Variants in TRAK1 observed in about 807,000 individuals in gnomAD.
TRAK1 encodes trafficking kinesin-binding protein 1.
A neutral mutation model predicts 92.1 loss-of-function variants in TRAK1; 33 were observed. The observed-to-expected ratio is 0.36, with a 90% CI of 0.27 to 0.48. The LOEUF is 0.48. TRAK1 is among the 20% of genes least tolerant of loss of function. The pLI, the probability that TRAK1 is intolerant of heterozygous loss-of-function variation, is 0.99. For missense variants in TRAK1, 1,123 were observed against 1,257.9 expected (o/e 0.89, Z 1.62); for synonymous variants, 521 against 517.3 (o/e 1.01, Z -0.10).
chr3:42,180,664 G>C (rs1220780676), intron 3 of TRAK1, among the ~76,000 whole-genome samples: 2 of 136,908 alleles, frequency 1.5e-5, no homozygotes, highest in East Asian at 2.2e-4. Flanking sequence ...AGGCGATAGA[G>C]TGAGACCTGT....
chr3:42,072,569 T>TTTC (rs542400640), intron 1 of TRAK1, among the ~76,000 whole-genome samples: 1 of 146,852 alleles, frequency 6.8e-6, no homozygotes, highest in East Asian at 2.0e-4. Context: ...TTTTTTTCTT[T>TTTC]CTCTTTTTCT....
At chr3:42,030,542 G>T (rs181195532) in intron 1 of TRAK1, among the ~76,000 whole-genome samples, 4 of 149,362 alleles carry the variant, frequency 2.7e-5, no homozygotes, top group Admixed American at 1.3e-4. Flanking sequence ...GCATGGTGGC[G>T]TATGCCTGTA....
At chr3:42,199,745 C>A (rs1707257781) in intron 11 of TRAK1, among the ~76,000 whole-genome samples, 2 of 152,230 alleles carry the variant, frequency 1.3e-5, no homozygotes, top group Admixed American at 1.3e-4. Flanking sequence ...AGGCGTGAGC[C>A]ACCACTGGCC....
At chr3:42,025,856 T>G (rs1490637494) in intron 1 of TRAK1, among the ~76,000 whole-genome samples, 4 of 152,200 alleles carry the variant, frequency 2.6e-5, no homozygotes, top group Non-Finnish European at 4.4e-5. Flanking sequence ...TGTTCCAGCC[T>G]TGTTCACTTC....
At chr3:42,158,936 G>A (rs1311635127) in intron 2 of TRAK1, among the ~76,000 whole-genome samples, 3 of 148,614 alleles carry the variant, frequency 2.0e-5, no homozygotes, top group Non-Finnish European at 4.4e-5. Flanking sequence ...TCCAGCCTGG[G>A]CGACAAAGCA....
chr3:42,121,539 G>A (rs573240072), intron 1 of TRAK1, among the ~76,000 whole-genome samples: 2 of 152,168 alleles, frequency 1.3e-5, no homozygotes, highest in African/African-American at 4.8e-5. Flanking sequence ...GATTACAGGC[G>A]TGAGCCACTG....
chr3:42,210,050 T>G (rs1263777686), intron 14 of TRAK1, 65 bp downstream of exon 14: 2 of 1,613,666 alleles, frequency 1.2e-6, no homozygotes, highest in Admixed American at 3.3e-5. Context: ...GGCCTCAGGC[T>G]TCCCCAGAGG....
chr3:42,048,643 A>T (rs1259306991), intron 1 of TRAK1, among the ~76,000 whole-genome samples: 1 of 149,450 alleles, frequency 6.7e-6, no homozygotes, highest in Non-Finnish European at 1.5e-5. Context: ...AGCTCACTGC[A>T]ACCTCCACCC....
chr3:42,056,911 T>C (rs1013394901), intron 1 of TRAK1, among the ~76,000 whole-genome samples: 1 of 152,204 alleles, frequency 6.6e-6, no homozygotes, highest in Non-Finnish European at 1.5e-5. Context: ...ATAAAAATCT[T>C]GTGTGAGAGA....
intron 3 of TRAK1, among the ~76,000 whole-genome samples, chr3:42,177,715 A>G (rs2149365998): frequency 6.6e-6 from 1 of 152,334 alleles, no homozygotes; most frequent in South Asian, 2.1e-4. Context: ...AAACTGGGCC[A>G]GACTCGTTTC....
intron 1 of TRAK1, among the ~76,000 whole-genome samples, chr3:42,067,708 T>C (rs1703737454): frequency 6.6e-6 from 1 of 152,178 alleles, no homozygotes; most frequent in South Asian, 2.1e-4. Context: ...CCTCACACAC[T>C]TTCTTCTCAT....
At chr3:42,186,933 T>G (rs996199977) in intron 4 of TRAK1, among the ~76,000 whole-genome samples, 1 of 152,210 alleles carries the variant, frequency 6.6e-6, no homozygotes, top group Non-Finnish European at 1.5e-5. Flanking sequence ...AGACCCTAAG[T>G]CAAATTATAA....
intron 6 of TRAK1, among the ~76,000 whole-genome samples, chr3:42,191,312 C>T (rs546811696): frequency 9.2e-5 from 14 of 152,290 alleles, no homozygotes; most frequent in Admixed American, 7.2e-4. Context: ...CACCTGTGCC[C>T]GTAGCTGTGT....
intron 1 of TRAK1, among the ~76,000 whole-genome samples, chr3:42,068,941 C>G (rs566191663): frequency 2.6e-5 from 4 of 152,244 alleles, no homozygotes; most frequent in Admixed American, 1.3e-4. Flanking sequence ...CTGACTGTGT[C>G]TTTCTGTCCC....
intron 1 of TRAK1, among the ~76,000 whole-genome samples, chr3:42,122,405 G>T (rs1195511490): frequency 6.6e-6 from 1 of 151,366 alleles, no homozygotes. Context: ...GACACCAGAT[G>T]ATTCCAGCCT....
intron 1 of TRAK1, among the ~76,000 whole-genome samples, chr3:42,035,094 C>T (rs947468888): frequency 6.6e-6 from 1 of 152,214 alleles, no homozygotes; most frequent in Non-Finnish European, 1.5e-5. Flanking sequence ...TATTCGAGCA[C>T]CCATAACCCA....
intron 1 of TRAK1, among the ~76,000 whole-genome samples, chr3:42,052,432 G>A (rs1220991675): frequency 6.6e-6 from 1 of 152,208 alleles, no homozygotes; most frequent in Non-Finnish European, 1.5e-5. Flanking sequence ...GTCCTTCTGG[G>A]TTTGGGGGTT....
At chr3:42,101,638 C>T (rs917172418) in intron 1 of TRAK1, among the ~76,000 whole-genome samples, 1 of 152,204 alleles carries the variant, frequency 6.6e-6, no homozygotes, top group African/African-American at 2.4e-5. Flanking sequence ...CTTGTCTCTG[C>T]TGTTGCAGCA....
chr3:42,189,955 T>TA (rs1317008612), intron 6 of TRAK1, among the ~76,000 whole-genome samples: 2 of 152,216 alleles, frequency 1.3e-5, no homozygotes, highest in Non-Finnish European at 2.9e-5. Context: ...ATTTTTTTTT[T>TA]AGAGTTCACA....
Sources: allele counts gnomAD v4.1 joint callset (sites outside exome capture counted in the v4.1 genomes callset), GRCh38; gene constraint gnomAD v4.1.1; transcripts MANE v1.5; gene names NCBI Gene and HGNC (gene_info 2026-07-23, HGNC 2026-07-21).